The following POLR1A variants were observed in gnomAD, a reference collection of about 807,000 sequenced individuals.
POLR1A encodes the protein DNA-directed RNA polymerase I subunit RPA1.
Under a neutral mutation model 205.3 loss-of-function variants are expected in POLR1A, and 84 were observed. That is an observed-to-expected ratio of 0.41 (90% CI 0.34 to 0.49). POLR1A has a LOEUF of 0.49. Among genes scored for constraint, POLR1A ranks in the 20% least tolerant of loss-of-function variants. The pLI, the probability that POLR1A is intolerant of heterozygous loss-of-function variation, is 0.22. For missense variants in POLR1A, 1,645 were observed against 2,204.5 expected (o/e 0.75, Z 5.08); for synonymous variants, 799 against 863.7 (o/e 0.93, Z 1.31).
Position 86,089,900 on chromosome 2 carries a change from G to A in POLR1A, c.462C>T (p.Ala154=). Residue 154 remains alanine, a synonymous_variant, in exon 4 of 34, where the codon GCC becomes GCT. Transcript: ENST00000263857. ...GTTCTAATTCCTCCCGAATTTCAGA[G>A]GCAGAGGGATCGGGATTTTCTTCCA... ...RFLEENPDPS[A]SEIREELEQY... is the part of the protein sequence containing the mutation. The A allele has an allele frequency of 1.9e-6, 3 of 1,609,688 alleles. No homozygotes were observed. Among genetic ancestry groups the A allele is most frequent in the Middle Eastern group, 1.7e-4 (1 of 6,060 alleles).
At chr2:86,045,575 G>C in intron 20 of POLR1A, 42 bp downstream of exon 20, 2 of 1,607,072 alleles carry the variant, frequency 1.2e-6, no homozygotes, top group Non-Finnish European at 1.7e-6. Flanking sequence ...ATTAAGCCTA[G>C]AAATGAGGGA....
chr2:86,040,639 G>T, intron 24 of POLR1A, 80 bp from the exon 25 acceptor site: 1 of 1,150,094 alleles, frequency 8.7e-7, no homozygotes, highest in Non-Finnish European at 1.2e-6. Context: ...AATGCTGCCC[G>T]AAACCAGAAA....
chr2:86,038,851 G>C lies in POLR1A; in HGVS notation c.3883C>G (p.Gln1295Glu). The C allele has an allele frequency of 6.2e-7, 1 of 1,614,014 alleles. No homozygotes were observed. The highest frequency in any genetic ancestry group is 1.1e-5 in the South Asian group (1 of 91,054). ...AAGGACTCCTGGACGTCAATTTTCT[G>C]CAACACCTGGAACCAGACGGACAGA... ...LTRVCLGEVL[Q>E]KIDVQESFCM... Residue 1295 changes from glutamine to glutamate, a missense_variant, in exon 27 of 34, where the codon CAG becomes GAG. This residue lies in a region of POLR1A where 394 missense variants were observed against 468.5 expected (regional missense o/e 0.84). Transcript: ENST00000263857.
At chr2:86,045,530 GC>G (rs1672694826) in intron 20 of POLR1A, 86 bp downstream of exon 20, 2 of 1,450,984 alleles carry the variant, frequency 1.4e-6, no homozygotes, top group Non-Finnish European at 1.9e-6. Flanking sequence ...AGTGTCTTCT[GC>G]CCTACCCTGT....
Position 86,039,431 on chromosome 2 carries a change from T to C in POLR1A, c.3772A>G (p.Asn1258Asp). 6.2e-7 allele frequency: 1 copy of C among 1,614,214 alleles called. No homozygotes were observed. Among genetic ancestry groups the C allele is most frequent in the Non-Finnish European group, 8.5e-7 (1 of 1,180,032 alleles). The change falls in exon 26 of 34, where the codon AAC (asparagine) becomes GAC (aspartate). Residue 1258 changes from asparagine (N) to aspartate (D), a missense_variant. Asn to Asp is a conservative substitution (Grantham distance 23). Around this residue, in one of 16 missense-constraint regions of POLR1A, gnomAD observed 394 missense variants for 468.5 expected, o/e 0.84. Coordinates refer to ENST00000263857, the MANE Select transcript of POLR1A (RefSeq NM_015425.6). ...ACGCTCATCATGGGTGTCTTGATGTTGGCGCTGGCCACCATGAGAATCTCC... is the reference window on the plus strand; with the variant it reads ...ACGCTCATCATGGGTGTCTTGATGTCGGCGCTGGCCACCATGAGAATCTCC... Reference protein sequence around the residue: ...LREILMVASANIKTPMMSVPV... With the variant: ...LREILMVASADIKTPMMSVPV...
chr2:86,069,913 CCT>C (rs1673146138), intron 13 of POLR1A, 103 bp downstream of exon 13: 30 of 1,283,836 alleles, frequency 2.3e-5, no homozygotes, highest in Non-Finnish European at 3.1e-5. Context: ...TCCAGGCGCC[CCT>C]GTCCTGGAGC....
rs767880786 is a variant in POLR1A at position 86,028,750 on chromosome 2, G to A, written c.4780-39C>T. ...GGAAGGGATTTATTTAGAGGGCCTG[G>A]CCTTCTGCTCCCTTCTGCCTGCGTA... On this transcript the variant is annotated intron_variant, in intron 31 of 33. Coordinates refer to ENST00000263857, the MANE Select transcript of POLR1A (RefSeq NM_015425.6). This position sits in a 1 kb window ranked among gnomAD's most constrained non-coding sequence, Gnocchi z 4.5. 33 of 1,480,558 alleles carry A rather than the reference G, an allele frequency of 2.2e-5. No homozygotes were observed. The highest frequency in any genetic ancestry group is 2.9e-5 in the Non-Finnish European group (31 of 1,059,810). 91.7% of individuals were successfully genotyped at this position (1,480,558 alleles called of 1,614,324 possible).
intron 11 of POLR1A, among the ~76,000 whole-genome samples, chr2:86,076,189 T>C (rs920542574): frequency 2.0e-5 from 3 of 152,220 alleles, no homozygotes; most frequent in African/African-American, 7.2e-5. Flanking sequence ...AAACCTCTAA[T>C]GCTTCCAAAT....
intron 30 of POLR1A, 124 bp from the exon 31 acceptor site, chr2:86,030,520 G>A: frequency 1.5e-6 from 1 of 678,550 alleles, no homozygotes; most frequent in South Asian, 1.8e-5. Flanking sequence ...GTCCTGCTGG[G>A]CAAGCCAGCA....
intron 14 of POLR1A, among the ~76,000 whole-genome samples, chr2:86,061,749 G>C (rs1164059311): frequency 6.6e-6 from 1 of 152,172 alleles, no homozygotes. Flanking sequence ...CACAAAGATA[G>C]ATTTCATTTA....
In POLR1A at chr2:86,028,482, A is replaced by G. The variant is rs2104376953; in HGVS notation, c.4897+112T>C. ...GCACGCATGCTGCAGTGCCTGCCTT[A>G]GTGCTGGACTGACTCGGTGCTGGAC... On this transcript the variant is annotated intron_variant, in intron 32 of 33. Transcript: ENST00000263857. The surrounding 1 kb of genome is among the most constrained non-coding windows in gnomAD (Gnocchi z 4.5). 1.3e-6 allele frequency: 1 copy of G among 743,086 alleles called. No individual in the cohort carries two copies. 46.0% of individuals were successfully genotyped at this position (743,086 alleles called of 1,614,324 possible).
intron 1 of POLR1A, among the ~76,000 whole-genome samples, chr2:86,101,459 T>C (rs934224842): frequency 6.6e-6 from 1 of 152,208 alleles, no homozygotes; most frequent in Admixed American, 6.5e-5. Context: ...GCAGATCTGC[T>C]GCTGTGGCTC....
chr2:86,042,211 G>C (rs1380342531), intron 23 of POLR1A, 108 bp from the exon 24 acceptor site: 3 of 786,768 alleles, frequency 3.8e-6, no homozygotes, highest in Non-Finnish European at 6.5e-6. Flanking sequence ...AAAGAAACCT[G>C]ATTGCAATGA....
chr2:86,040,268 G>A, intron 25 of POLR1A, 124 bp downstream of exon 25: 1 of 777,100 alleles, frequency 1.3e-6, no homozygotes, highest in East Asian at 3.1e-5. Context: ...ATGAGACCCT[G>A]TCCCTCTCTC....
chr2:86,075,009 A>T (rs1673254789), intron 12 of POLR1A, 21 bp downstream of exon 12: 1 of 1,550,998 alleles, frequency 6.4e-7, no homozygotes, highest in Admixed American at 1.8e-5. Context: ...TGGGTCCCTG[A>T]CCAAAGCTGC....
chr2:86,084,221 G>A (rs936879180), intron 6 of POLR1A, among the ~76,000 whole-genome samples: 16 of 152,128 alleles, frequency 1.1e-4, no homozygotes, highest in Non-Finnish European at 1.9e-4. Context: ...AGCGGAGATT[G>A]TGCCACTGCA....
At chr2:86,066,747 A>G (rs1673089624) in intron 13 of POLR1A, among the ~76,000 whole-genome samples, 1 of 152,228 alleles carries the variant, frequency 6.6e-6, no homozygotes, top group African/African-American at 2.4e-5. Flanking sequence ...TCTAAACACT[A>G]CAGTGATGGG....
In POLR1A at chr2:86,040,572, G is replaced by A. The variant is rs760971761; in HGVS notation, c.3573-13C>T. The stretch of plus-strand genomic sequence containing the variant: ...CAAGGTCCTCAACCTAGAGACGGTG[G>A]TGGGGGGTCAGGGTGGGGGTTGTGG... On this transcript the variant is annotated splice_polypyrimidine_tract_variant and intron_variant, in intron 24 of 33. Transcript: ENST00000263857. 6.5e-7 allele frequency: 1 copy of A among 1,537,358 alleles called. No individual in the cohort carries two copies. Among genetic ancestry groups the A allele is most frequent in the Non-Finnish European group, 8.8e-7 (1 of 1,139,356 alleles).
At chr2:86,034,406 C>T (rs1255371293) in intron 27 of POLR1A, among the ~76,000 whole-genome samples, 2 of 152,216 alleles carry the variant, frequency 1.3e-5, no homozygotes, top group Admixed American at 1.3e-4. Flanking sequence ...TTTCGAAGGG[C>T]AGAGATAACT....
Sources: allele counts gnomAD v4.1 joint callset (sites outside exome capture counted in the v4.1 genomes callset), GRCh38; gene constraint gnomAD v4.1.1; regional missense constraint gnomAD v4.1.1; non-coding constraint Gnocchi (gnomAD v3.1); transcripts MANE v1.5; gene names NCBI Gene and HGNC (gene_info 2026-07-23, HGNC 2026-07-21).